Variants in ROBO1 observed in about 807,000 individuals in gnomAD.
The protein encoded by ROBO1 is roundabout homolog 1.
A neutral mutation model predicts 195.9 loss-of-function variants in ROBO1; 149 were observed. The ratio of observed to expected loss-of-function variants is 0.76; its 90% CI spans 0.67 to 0.87. The LOEUF (loss-of-function observed/expected upper bound fraction) is 0.87, where lower values mean the gene tolerates loss of function less well. Among genes scored for constraint, ROBO1 ranks in the 40% least tolerant of loss-of-function variants. The pLI is 0.00. For synonymous variants in ROBO1, 816 were observed against 733.2 expected (o/e 1.11, Z -1.82); for missense variants, 1,933 against 2,068.3 (o/e 0.93, Z 1.27).
chr3:79,101,236 T>C (rs531137372), intron 3 of ROBO1, among the ~76,000 whole-genome samples: 3 of 151,812 alleles, frequency 2.0e-5, no homozygotes, highest in African/African-American at 7.2e-5. Context: ...TATTCATGAG[T>C]TAAAAGACAA....
chr3:79,260,104 A>ACG (rs1485946851), intron 2 of ROBO1, among the ~76,000 whole-genome samples: 1 of 150,540 alleles, frequency 6.6e-6, no homozygotes, highest in African/African-American at 2.5e-5. Context: ...ACACACACAC[A>ACG]CAAATATATA....
intron 2 of ROBO1, among the ~76,000 whole-genome samples, chr3:79,565,632 C>A (rs773327964): frequency 1.1e-4 from 16 of 151,760 alleles, no homozygotes; most frequent in Admixed American, 2.6e-4. Flanking sequence ...AAAGAAACCG[C>A]CAAGATTAAA....
intron 2 of ROBO1, among the ~76,000 whole-genome samples, chr3:79,178,702 C>T (rs2081294786): frequency 6.6e-6 from 1 of 152,188 alleles, no homozygotes; most frequent in Non-Finnish European, 1.5e-5. Context: ...GCTGCTGGGC[C>T]TTTCATTCTC....
At position 78,711,348 on chromosome 3, in the gene ROBO1, C is replaced by CTCCTTCCTTTCTTTCTTCCT. The variant is rs2081698663; in HGVS notation, c.1045+3048_1045+3049insAGGAAGAAAGAAAGGAAGGA. Reference sequence around the variant, plus strand: ...CTCTCCTTCCTTCCTTCCTTCCTTCCTCCTTCCTTCCTTCCTTCCTTCCTT... The same window carrying CTCCTTCCTTTCTTTCTTCCT: ...CTCTCCTTCCTTCCTTCCTTCCTTCCTCCTTCCTTTCTTTCTTCCTTCCTTCCTTCCTTCCTTCCTTCCTT... On this transcript the variant is annotated intron_variant, in intron 8 of 30. Coordinates refer to ENST00000464233, the MANE Select transcript of ROBO1 (RefSeq NM_002941.4). Among the ~76,000 whole-genome samples, 7 of 54,680 alleles carry CTCCTTCCTTTCTTTCTTCCT rather than the reference C, an allele frequency of 1.3e-4. 1 individual carries two copies. The highest frequency in any genetic ancestry group is 5.5e-4 in the African/African-American group (6 of 10,910). 35.9% of individuals were successfully genotyped at this position (54,680 alleles called of 152,430 possible).
chr3:79,194,099 G>T (rs1048604635), intron 2 of ROBO1, among the ~76,000 whole-genome samples: 1 of 151,694 alleles, frequency 6.6e-6, no homozygotes, highest in African/African-American at 2.4e-5. Context: ...CCCCTGATTT[G>T]TTGAGATTAT....
intron 2 of ROBO1, among the ~76,000 whole-genome samples, chr3:79,406,904 ATTTCTTTTTCTTTTTC>A (rs1355813365): frequency 6.6e-6 from 1 of 151,662 alleles, no homozygotes; most frequent in East Asian, 1.9e-4. Context: ...TTACCAACAC[ATTTCTTTTTCTTTTTC>A]TTTCTTTTTC....
At chr3:79,144,858 T>C (rs900798938) in intron 2 of ROBO1, among the ~76,000 whole-genome samples, 2 of 151,964 alleles carry the variant, frequency 1.3e-5, no homozygotes, top group African/African-American at 4.8e-5. Flanking sequence ...TGAATAGCAA[T>C]GTATCTTGTT....
chr3:79,067,292 CAAAT>C (rs1318284578), intron 3 of ROBO1, among the ~76,000 whole-genome samples: 1 of 151,888 alleles, frequency 6.6e-6, no homozygotes, highest in Non-Finnish European at 1.5e-5. Flanking sequence ...TGTCTTAAGA[CAAAT>C]AAAACCAAGT....
At chr3:79,667,823 C>T (rs773387424) in intron 1 of ROBO1, among the ~76,000 whole-genome samples, 4 of 151,506 alleles carry the variant, frequency 2.6e-5, no homozygotes, top group African/African-American at 9.7e-5. Context: ...TAAAACTTTC[C>T]AATATCCTTA....
intron 19 of ROBO1, among the ~76,000 whole-genome samples, chr3:78,649,480 A>G (rs1046251005): frequency 1.3e-5 from 2 of 152,162 alleles, no homozygotes; most frequent in African/African-American, 4.8e-5. Flanking sequence ...GCTAAATGTA[A>G]GGGGGAAATG....
chr3:79,153,710 T>G (rs1338965929), intron 2 of ROBO1, among the ~76,000 whole-genome samples: 1 of 141,734 alleles, frequency 7.1e-6, no homozygotes, highest in African/African-American at 2.9e-5. Context: ...CTTTATATAT[T>G]TATTTATTTG....
At chr3:79,338,124 T>C (rs907294795) in intron 2 of ROBO1, among the ~76,000 whole-genome samples, 1 of 152,186 alleles carries the variant, frequency 6.6e-6, no homozygotes, top group African/African-American at 2.4e-5. Flanking sequence ...CTAATTGTAT[T>C]TAATTTAAAA....
chr3:78,964,298 C>T (rs2041560823), intron 3 of ROBO1, among the ~76,000 whole-genome samples: 2 of 152,064 alleles, frequency 1.3e-5, no homozygotes, highest in Admixed American at 1.3e-4. Flanking sequence ...GCGGTTAGGC[C>T]TTCAACAACA....
At chr3:79,353,886 A>C (rs992287865) in intron 2 of ROBO1, among the ~76,000 whole-genome samples, 1 of 152,018 alleles carries the variant, frequency 6.6e-6, no homozygotes, top group Non-Finnish European at 1.5e-5. Context: ...TCCTACTAAA[A>C]ATACAAAAAT....
intron 1 of ROBO1, among the ~76,000 whole-genome samples, chr3:79,745,384 T>TA (rs911635549): frequency 2.8e-4 from 43 of 152,284 alleles, no homozygotes; most frequent in Non-Finnish European, 4.4e-4. Flanking sequence ...TTGTCTTTTT[T>TA]AAAAAAATAG....
At chr3:79,025,009 C>T (rs1343529410) in intron 3 of ROBO1, among the ~76,000 whole-genome samples, 1 of 152,150 alleles carries the variant, frequency 6.6e-6, no homozygotes, top group Non-Finnish European at 1.5e-5. Context: ...AAGTGAGATC[C>T]CATGTCTTTC....
chr3:79,116,121 C>T (rs1487519765), intron 3 of ROBO1, among the ~76,000 whole-genome samples: 1 of 152,080 alleles, frequency 6.6e-6, no homozygotes, highest in Admixed American at 6.6e-5. Context: ...TTCAGTTGTT[C>T]CTCCATACCT....
At chr3:78,828,094 G>A (rs1007679767) in intron 4 of ROBO1, among the ~76,000 whole-genome samples, 4 of 152,122 alleles carry the variant, frequency 2.6e-5, no homozygotes, top group East Asian at 3.8e-4. Context: ...TGCTAGATTC[G>A]TTTGCTTTGT....
At chr3:79,715,877 T>C (rs1314129163) in intron 1 of ROBO1, among the ~76,000 whole-genome samples, 1 of 152,100 alleles carries the variant, frequency 6.6e-6, no homozygotes, top group African/African-American at 2.4e-5. Context: ...TCTATAGGTA[T>C]TAACATATAG....
Sources: gnomAD v4.1 joint callset for allele counts (sites outside exome capture counted in the v4.1 genomes callset) on GRCh38, gnomAD v4.1.1 for gene constraint, MANE v1.5 for transcripts, NCBI Gene and HGNC (gene_info 2026-07-23, HGNC 2026-07-21) for gene names.